Variants in KIAA0319L observed in about 807,000 individuals in gnomAD.
KIAA0319L encodes KIAA0319 like.
In KIAA0319L, 55 loss-of-function variants were observed where a neutral mutation model predicts 120.1. That is an observed-to-expected ratio of 0.46 (90% CI 0.37 to 0.57). KIAA0319L has a LOEUF of 0.57. Among genes scored for constraint, KIAA0319L ranks in the 20% least tolerant of loss-of-function variants. KIAA0319L has a pLI of 0.00. For missense variants in KIAA0319L, 1,049 were observed against 1,255.3 expected, an observed-to-expected ratio of 0.84 and a Z score of 2.48; for synonymous variants, 398 against 471.9, an observed-to-expected ratio of 0.84 and a Z score of 2.03.
At chr1:35,454,037 G>A (rs189629037) in intron 11 of KIAA0319L, among the ~76,000 whole-genome samples, 529 of 152,250 alleles carry the variant, frequency 3.5e-3, no homozygotes, top group Non-Finnish European at 5.5e-3. Context: ...GTATTGGGTT[G>A]GTGCAAAAGT....
At chr1:35,514,033 C>G (rs1275622289) in intron 2 of KIAA0319L, among the ~76,000 whole-genome samples, 2 of 152,156 alleles carry the variant, frequency 1.3e-5, no homozygotes, top group African/African-American at 4.8e-5. Flanking sequence ...TTTAAATTAC[C>G]TCCTGTAGTT....
chr1:35,489,494 G>T (rs569295457), intron 3 of KIAA0319L, among the ~76,000 whole-genome samples: 2 of 152,208 alleles, frequency 1.3e-5, no homozygotes, highest in South Asian at 4.1e-4. Flanking sequence ...GTCTTTCTGA[G>T]TTGAAGAGCT....
At chr1:35,526,433 A>G (rs12037235) in intron 2 of KIAA0319L, among the ~76,000 whole-genome samples, 24,279 of 130,656 alleles carry the variant, frequency 0.19, 4,209 homozygotes, top group East Asian at 0.67. Flanking sequence ...ATATATATGT[A>G]TATATATATA....
intron 2 of KIAA0319L, chr1:35,533,431 T>C (rs964149885): frequency 2.6e-5 from 4 of 152,138 alleles, no homozygotes; most frequent in Admixed American, 1.3e-4. Flanking sequence ...TTCTCTTCGG[T>C]GGGGTTTTCG....
chr1:35,445,674 T>C (rs1188493549), intron 16 of KIAA0319L, among the ~76,000 whole-genome samples: 1 of 152,054 alleles, frequency 6.6e-6, no homozygotes, highest in Non-Finnish European at 1.5e-5. Context: ...TTCAGAGAGG[T>C]GAAGTAACTT....
At chr1:35,452,353 C>G (rs1194826029) in intron 12 of KIAA0319L, among the ~76,000 whole-genome samples, 1 of 152,186 alleles carries the variant, frequency 6.6e-6, no homozygotes, top group Non-Finnish European at 1.5e-5. Flanking sequence ...AACCCTTCTT[C>G]CCCCTTGTGG....
At chr1:35,534,571 A>C (rs1216155477) in intron 2 of KIAA0319L, among the ~76,000 whole-genome samples, 3 of 152,176 alleles carry the variant, frequency 2.0e-5, no homozygotes, top group African/African-American at 7.2e-5. Context: ...AAAGAATAAC[A>C]ATCGGTGGCC....
chr1:35,506,301 A>G lies in KIAA0319L; in HGVS notation c.666+311T>C. ...TTTGCAATTTGGCAGAAAATACTGC[A>G]GAATGGTTGGTGAATACTAACAGCC... On this transcript the variant is annotated intron_variant, in intron 3 of 20. Coordinates refer to ENST00000325722, the MANE Select transcript of KIAA0319L (RefSeq NM_024874.5). The surrounding 1 kb of genome is among the most constrained non-coding windows in gnomAD (Gnocchi z 4.0). Among the ~76,000 whole-genome samples, 1 of 152,260 alleles carries G rather than the reference A, an allele frequency of 6.6e-6. No individual in the cohort carries two copies. Among genetic ancestry groups the G allele is most frequent in the Non-Finnish European group, 1.5e-5 (1 of 68,044 alleles).
At chr1:35,460,227 T>C (rs1642793979) in intron 9 of KIAA0319L, 78 bp downstream of exon 9, 1 of 1,159,120 alleles carries the variant, frequency 8.6e-7, no homozygotes, top group East Asian at 2.3e-5. Flanking sequence ...TTTGTCAAAG[T>C]TACTCATATA....
chr1:35,450,503 T>C lies in KIAA0319L; in HGVS notation c.2069A>G (p.Asn690Ser). The C allele has an allele frequency of 1.2e-6, 2 of 1,608,354 alleles. No homozygotes were observed. Among genetic ancestry groups the C allele is most frequent in the African/African-American group, 1.3e-5 (1 of 74,866 alleles). The change falls in exon 14 of 21, where the codon AAC becomes AGC. Residue 690 changes from asparagine (N) to serine (S), a missense_variant. Asn to Ser is a conservative substitution (Grantham distance 46). Coordinates refer to ENST00000325722, the MANE Select transcript of KIAA0319L (RefSeq NM_024874.5). The stretch of plus-strand genomic sequence containing the variant: ...AGTTATCTTGGCTATAGGTGGTTTG[T>C]TTATTTCTAATCAAAAAGAAATCAT... ...SVNVIVKEEI[N>S]KPPIAKITGN...
At chr1:35,451,090 T>C (rs927217990) in intron 13 of KIAA0319L, among the ~76,000 whole-genome samples, 21 of 145,506 alleles carry the variant, frequency 1.4e-4, no homozygotes, top group Admixed American at 2.7e-4. Flanking sequence ...TTTCCTGCTA[T>C]CAACTTAAGG....
chr1:35,459,159 G>GA (rs1553195384), intron 9 of KIAA0319L, among the ~76,000 whole-genome samples: 1 of 152,108 alleles, frequency 6.6e-6, no homozygotes, highest in Non-Finnish European at 1.5e-5. Flanking sequence ...CTCCTGTCTG[G>GA]AGGGATCTCA....
chr1:35,501,164 A>T (rs961912382), intron 3 of KIAA0319L, among the ~76,000 whole-genome samples: 6 of 152,198 alleles, frequency 3.9e-5, no homozygotes, highest in Non-Finnish European at 8.8e-5. Context: ...CACTAATGGT[A>T]AACTAGAAGA....
In KIAA0319L at chr1:35,479,151, C is replaced by T. The variant is rs1635712; in HGVS notation, c.728G>A (p.Gly243Asp). Residue 243 changes from glycine (G) to aspartate (D), a missense_variant, in exon 4 of 21, where the codon GGT becomes GAT. Physicochemically the swap from Gly to Asp is moderately conservative, Grantham distance 94 (BLOSUM62 -1). Coordinates refer to ENST00000325722, the MANE Select transcript of KIAA0319L (RefSeq NM_024874.5). ...TTGCACTGATACATTCTTTGGCCCACCAGACAGCTCTGCAGTCAGGTCTGT... is the reference window on the plus strand; with the variant it reads ...TTGCACTGATACATTCTTTGGCCCATCAGACAGCTCTGCAGTCAGGTCTGT... ...LTTDLTAELSGGPKNVSVQPE... is the reference protein window; with the variant it reads ...LTTDLTAELSDGPKNVSVQPE... The T allele has an allele frequency of 3.3e-3, 5,269 of 1,613,888 alleles. 101 individuals are homozygous for T. The African/African-American group carries it at 0.04, about 12-fold the overall frequency.
intron 12 of KIAA0319L, among the ~76,000 whole-genome samples, chr1:35,452,042 TTA>T (rs1283457188): frequency 2.0e-5 from 3 of 152,240 alleles, no homozygotes; most frequent in Non-Finnish European, 4.4e-5. Flanking sequence ...CTTGAACGCT[TTA>T]CCATTCTAGT....
At chr1:35,504,495 C>A (rs939920834) in intron 3 of KIAA0319L, among the ~76,000 whole-genome samples, 4 of 152,186 alleles carry the variant, frequency 2.6e-5, no homozygotes, top group Non-Finnish European at 5.9e-5. Context: ...CACACCCAGC[C>A]AATTTTCTTA....
At chr1:35,494,657 A>C (rs1285952862) in intron 3 of KIAA0319L, among the ~76,000 whole-genome samples, 1 of 151,464 alleles carries the variant, frequency 6.6e-6, no homozygotes, top group Non-Finnish European at 1.5e-5. Flanking sequence ...AAAAAAAAAA[A>C]ACAAACTAGC....
At chr1:35,467,357 T>TAA (rs141567398) in intron 6 of KIAA0319L, among the ~76,000 whole-genome samples, 7 of 146,996 alleles carry the variant, frequency 4.8e-5, no homozygotes, top group African/African-American at 1.7e-4. Flanking sequence ...AAACTTAATA[T>TAA]AAAAAAAAAA....
At chr1:35,529,254 T>C (rs1359634720) in intron 2 of KIAA0319L, among the ~76,000 whole-genome samples, 4 of 152,234 alleles carry the variant, frequency 2.6e-5, no homozygotes, top group African/African-American at 2.4e-5. Flanking sequence ...TTCAAGGTTA[T>C]TATTGATATG....
Sources: allele counts gnomAD v4.1 joint callset (sites outside exome capture counted in the v4.1 genomes callset), GRCh38; gene constraint gnomAD v4.1.1; non-coding constraint Gnocchi (gnomAD v3.1); transcripts MANE v1.5; gene names NCBI Gene and HGNC (gene_info 2026-07-23, HGNC 2026-07-21).